PRKAR1A: variants seen among roughly 807,000 people sequenced by gnomAD.
The protein encoded by PRKAR1A is protein kinase cAMP-dependent type I regulatory subunit alpha.
Under a neutral mutation model 52.0 loss-of-function variants are expected in PRKAR1A, and 3 were observed. The observed-to-expected ratio is 0.06, with a 90% CI of 0.03 to 0.15. The LOEUF (loss-of-function observed/expected upper bound fraction) is 0.15, where lower values mean the gene tolerates loss of function less well. PRKAR1A is among the 10% of genes least tolerant of loss of function. The pLI, the probability that PRKAR1A is intolerant of heterozygous loss-of-function variation, is 1.00. For missense variants in PRKAR1A, 240 were observed against 477.4 expected (o/e 0.50, Z 4.63); for synonymous variants, 188 against 168.4 (o/e 1.12, Z -0.90).
At chr17:68,433,324 A>C in the PRKAR1A span, 1 of 775,572 alleles carries the variant, frequency 1.3e-6, no homozygotes, top group South Asian at 1.9e-5. Context: ...AGTTTTGCTA[A>C]CACACACTCC....
chr17:68,484,283 T>G, the PRKAR1A span, among the ~76,000 whole-genome samples: 1 of 152,250 alleles, frequency 6.6e-6, no homozygotes, highest in South Asian at 2.1e-4. Flanking sequence ...TGGTGTCCAG[T>G]GTACTGCTCT....
Position 68,515,440 on chromosome 17 carries a change from G to C in PRKAR1A, c.41G>C (p.Ser14Thr), listed in dbSNP as rs757185291. ...ACCGCCGCCAGTGAGGAGGCACGCA[G>C]CCTTCGAGAATGTGAGCTCTACGTC... Reference protein sequence around the residue: ...GSTAASEEARSLRECELYVQK... With the variant: ...GSTAASEEARTLRECELYVQK... The change falls in exon 2 of 11, where the codon AGC (serine) becomes ACC (threonine). Residue 14 changes from serine to threonine, a missense_variant. Ser to Thr is a moderately conservative substitution (Grantham distance 58, BLOSUM62 1). Coordinates refer to ENST00000589228, the MANE Select transcript of PRKAR1A (RefSeq NM_002734.5). 4 of 1,613,584 alleles carry C rather than the reference G, an allele frequency of 2.5e-6. No homozygotes were observed. Among genetic ancestry groups the C allele is most frequent in the East Asian group, 2.2e-5 (1 of 44,884 alleles).
the PRKAR1A span, among the ~76,000 whole-genome samples, chr17:68,446,655 C>T: frequency 6.6e-6 from 1 of 152,194 alleles, no homozygotes; most frequent in African/African-American, 2.4e-5. Context: ...GTTAGAACTA[C>T]GTGGTTCTAT....
intron 11 of PRKAR1A, among the ~76,000 whole-genome samples, chr17:68,548,457 G>A (rs1368665160): frequency 6.6e-6 from 1 of 152,028 alleles, no homozygotes; most frequent in East Asian, 1.9e-4. Flanking sequence ...TTGAACCCAG[G>A]AGGCAGAGGT....
the PRKAR1A span, among the ~76,000 whole-genome samples, chr17:68,495,193 A>AT: frequency 1.3e-5 from 2 of 152,052 alleles, no homozygotes; most frequent in Admixed American, 6.6e-5. Flanking sequence ...TGCCCTGCTA[A>AT]TTTTTTTAAA....
At chr17:68,455,800 T>C in the PRKAR1A span, among the ~76,000 whole-genome samples, 1 of 152,240 alleles carries the variant, frequency 6.6e-6, no homozygotes, top group African/African-American at 2.4e-5. Flanking sequence ...AACACCCTTT[T>C]TTGTCAAATC....
intron 2 of PRKAR1A, among the ~76,000 whole-genome samples, chr17:68,519,230 C>G (rs77438217): frequency 6.6e-6 from 1 of 152,186 alleles, no homozygotes; most frequent in Non-Finnish European, 1.5e-5. Context: ...CTGTATTAGT[C>G]TGTTCTCATG....
At chr17:68,444,616 A>T in the PRKAR1A span, 1 of 1,592,098 alleles carries the variant, frequency 6.3e-7, no homozygotes. Context: ...TTATCAGTCT[A>T]CCGAACCGTT....
At chr17:68,460,505 C>T in the PRKAR1A span, among the ~76,000 whole-genome samples, 284 of 152,268 alleles carry the variant, frequency 1.9e-3, 3 homozygotes, top group African/African-American at 6.6e-3. Context: ...AAAATGGTCA[C>T]CTTCCCAGCC....
chr17:68,521,242 T>G (rs1396171091), intron 2 of PRKAR1A, among the ~76,000 whole-genome samples: 1 of 152,036 alleles, frequency 6.6e-6, no homozygotes, highest in South Asian at 2.1e-4. Flanking sequence ...GCCTGGCCTA[T>G]TTTTTGAGAC....
the PRKAR1A span, among the ~76,000 whole-genome samples, chr17:68,488,119 G>A: frequency 0.014 from 2,198 of 152,132 alleles, 60 homozygotes; most frequent in African/African-American, 0.051. Flanking sequence ...TTTGAGCACA[G>A]ACCCAAGGAA....
chr17:68,421,529 A>C, the PRKAR1A span: 2 of 543,328 alleles, frequency 3.7e-6, no homozygotes, highest in Non-Finnish European at 6.6e-6. Flanking sequence ...TAGCATTTAC[A>C]CTATAGTTTG....
chr17:68,437,242 CA>C, the PRKAR1A span, among the ~76,000 whole-genome samples: 1 of 151,896 alleles, frequency 6.6e-6, no homozygotes, highest in Non-Finnish European at 1.5e-5. Context: ...GAGGAGCTGC[CA>C]AGAACCTATT....
the PRKAR1A span, chr17:68,452,899 C>A: frequency 6.2e-7 from 1 of 1,613,052 alleles, no homozygotes. Context: ...GTCTCTCTCA[C>A]ACACACTTAC....
intron 11 of PRKAR1A, among the ~76,000 whole-genome samples, chr17:68,547,678 G>A (rs1382811433): frequency 6.6e-6 from 1 of 152,210 alleles, no homozygotes; most frequent in Non-Finnish European, 1.5e-5. Flanking sequence ...TTAGAACCCT[G>A]CTCTGGATTA....
In PRKAR1A at chr17:68,524,091, G is replaced by C. The variant is rs755262664; in HGVS notation, c.502+14G>C. 21 of 1,613,204 alleles carry C rather than the reference G, an allele frequency of 1.3e-5. No individual in the cohort carries two copies. The highest frequency in any genetic ancestry group is 1.7e-5 in the Non-Finnish European group (20 of 1,179,434). On this transcript the variant is annotated intron_variant, in intron 5 of 10. Coordinates refer to ENST00000589228, the MANE Select transcript of PRKAR1A (RefSeq NM_002734.5). ...TGATTCAGCAAGGTAAGGGCCTCTG[G>C]AGCATGCAATATTGTTACGGGAGAG...
At chr17:68,450,867 C>T in the PRKAR1A span, 16 of 1,613,676 alleles carry the variant, frequency 9.9e-6, no homozygotes, top group Non-Finnish European at 1.1e-5. Context: ...GGAGAAGAGG[C>T]GCTCCACGAT....
the PRKAR1A span, among the ~76,000 whole-genome samples, chr17:68,499,573 C>T: frequency 2.6e-5 from 4 of 152,234 alleles, no homozygotes; most frequent in Non-Finnish European, 5.9e-5. Context: ...CTTACTACAG[C>T]TCACTAATGA....
chr17:68,537,601 C>T (rs769671047), downstream of PRKAR1A: 15 of 1,613,662 alleles, frequency 9.3e-6, no homozygotes, highest in South Asian at 1.5e-4. This position sits in a 1 kb window ranked among gnomAD's most constrained non-coding sequence, Gnocchi z 4.2. Context: ...GGTTTGGAGC[C>T]TTCGATCCAG....
Sources: allele counts gnomAD v4.1 joint callset (sites outside exome capture counted in the v4.1 genomes callset), GRCh38; gene constraint gnomAD v4.1.1; non-coding constraint Gnocchi (gnomAD v3.1); transcripts MANE v1.5; gene names NCBI Gene and HGNC (gene_info 2026-07-23, HGNC 2026-07-21).